Variants in CREB5 observed in about 807,000 individuals in gnomAD.
The protein encoded by CREB5 is cyclic AMP-responsive element-binding protein 5.
CREB5 carries 19 observed loss-of-function variants against 57.1 expected under a neutral mutation model. That is an observed-to-expected ratio of 0.33 (90% confidence interval 0.23 to 0.49). The LOEUF is 0.49. CREB5 is among the 20% of genes least tolerant of loss of function. The pLI is 0.99. For synonymous variants in CREB5, 238 were observed against 238.3 expected (o/e 1.00, Z 0.01); for missense variants, 579 against 671.6 (o/e 0.86, Z 1.52).
chr7:28,568,951 G>T (rs573737715), intron 4 of CREB5, among the ~76,000 whole-genome samples: 2 of 152,132 alleles, frequency 1.3e-5, no homozygotes, highest in East Asian at 1.9e-4. Context: ...ACACCAAAGC[G>T]CAGACAGATA....
intron 5 of CREB5, among the ~76,000 whole-genome samples, chr7:28,640,802 C>T (rs1798627994): frequency 1.3e-5 from 2 of 152,162 alleles, no homozygotes; most frequent in Admixed American, 6.5e-5. Flanking sequence ...GATCGAGACC[C>T]GCTTCCCTAG....
intron 7 of CREB5, among the ~76,000 whole-genome samples, chr7:28,801,739 A>G (rs897391675): frequency 6.6e-6 from 1 of 152,194 alleles, no homozygotes; most frequent in Non-Finnish European, 1.5e-5. Flanking sequence ...TATAAAAACA[A>G]TGAAATCATT....
At chr7:28,409,163 C>G (rs1787661094), upstream of CREB5, among the ~76,000 whole-genome samples, 2 of 151,532 alleles carry the variant, frequency 1.3e-5, no homozygotes, top group African/African-American at 2.4e-5. This position sits in a 1 kb window ranked among gnomAD's most constrained non-coding sequence, Gnocchi z 4.4. Flanking sequence ...CTGCCGCTCC[C>G]GGGCGGGTGC....
intron 5 of CREB5, among the ~76,000 whole-genome samples, chr7:28,657,951 T>A (rs1274426411): frequency 2.0e-5 from 3 of 152,168 alleles, no homozygotes; most frequent in Non-Finnish European, 4.4e-5. Flanking sequence ...GAACACTGAT[T>A]GAACAAAATG....
intron 1 of CREB5, among the ~76,000 whole-genome samples, chr7:28,426,989 C>T (rs925707929): frequency 6.6e-6 from 1 of 152,148 alleles, no homozygotes; most frequent in Non-Finnish European, 1.5e-5. Flanking sequence ...GGTGAGTGTT[C>T]CTGGAGGACC....
intron 4 of CREB5, among the ~76,000 whole-genome samples, chr7:28,527,264 G>A (rs1793488689): frequency 6.6e-6 from 1 of 152,148 alleles, no homozygotes. Context: ...TGCTTTTCTT[G>A]TTGTTACTGA....
intron 5 of CREB5, among the ~76,000 whole-genome samples, chr7:28,605,617 C>T (rs1797099677): frequency 6.6e-6 from 1 of 152,162 alleles, no homozygotes; most frequent in African/African-American, 2.4e-5. Context: ...CTCCTTGTTT[C>T]CTGCTATTTT....
intron 5 of CREB5, among the ~76,000 whole-genome samples, chr7:28,687,843 G>A (rs1408453623): frequency 6.6e-6 from 1 of 152,118 alleles, no homozygotes; most frequent in Non-Finnish European, 1.5e-5. Flanking sequence ...GGAGGCCTGA[G>A]TGTTGATTCT....
intron 7 of CREB5, among the ~76,000 whole-genome samples, chr7:28,766,878 A>G (rs4506107): frequency 0.67 from 101,986 of 152,078 alleles, 34,617 homozygotes; most frequent in East Asian, 0.83. Flanking sequence ...GGTTCTATGT[A>G]CAAGATAACT....
At chr7:28,776,953 A>G (rs1806689754) in intron 7 of CREB5, among the ~76,000 whole-genome samples, 1 of 152,216 alleles carries the variant, frequency 6.6e-6, no homozygotes, top group Non-Finnish European at 1.5e-5. Context: ...TCAATTAATG[A>G]ACATTTGGCT....
At chr7:28,410,209 G>A, upstream of CREB5, 1 of 452,804 alleles carries the variant, frequency 2.2e-6, no homozygotes, top group Non-Finnish European at 4.4e-6. Flanking sequence ...TTTCGCTCCA[G>A]GCGCTCCGGG....
chr7:28,670,507 T>A (rs1466829550), intron 5 of CREB5, among the ~76,000 whole-genome samples: 1 of 152,254 alleles, frequency 6.6e-6, no homozygotes, highest in Non-Finnish European at 1.5e-5. Context: ...TCATTAGGAA[T>A]GTTTTCTGTA....
At chr7:28,331,702 A>T (rs36110321) in intron 1 of CREB5, among the ~76,000 whole-genome samples, 22,594 of 152,026 alleles carry the variant, frequency 0.15, 1,930 homozygotes, top group East Asian at 0.3. Context: ...TAAAAAAATT[A>T]GCTGGGTGTG....
In CREB5 at chr7:28,668,182, C is replaced by T. The variant is rs373487150; in HGVS notation, c.465-50571C>T. On this transcript the variant is annotated intron_variant, in intron 5 of 10. Transcript: ENST00000357727. ...AAAGAAACTTCATGAAGTTTCCCTT[C>T]CCAGGTCTAATGCATGACCTCACTT... Among the ~76,000 whole-genome samples, 5 of 152,266 alleles carry T rather than the reference C, an allele frequency of 3.3e-5. No individual in the cohort carries two copies. The South Asian group carries it at 8.3e-4, about 25-fold the overall frequency.
At chr7:28,679,242 A>G (rs1028781666) in intron 5 of CREB5, among the ~76,000 whole-genome samples, 1 of 152,122 alleles carries the variant, frequency 6.6e-6, no homozygotes, top group Non-Finnish European at 1.5e-5. Context: ...TGAACTTATC[A>G]TGTGCAAAGG....
At chr7:28,659,496 C>T (rs2128712194) in intron 5 of CREB5, among the ~76,000 whole-genome samples, 1 of 152,298 alleles carries the variant, frequency 6.6e-6, no homozygotes, top group East Asian at 1.9e-4. Context: ...GTGCAGAGAG[C>T]ACAAAGCCCT....
intron 1 of CREB5, among the ~76,000 whole-genome samples, chr7:28,305,986 T>TA: frequency 7.0e-6 from 1 of 143,514 alleles, no homozygotes; most frequent in South Asian, 2.1e-4. Context: ...TTTTAATTAG[T>TA]TTTTTTTTTG....
chr7:28,531,479 A>T (rs1471814953), intron 4 of CREB5, among the ~76,000 whole-genome samples: 1 of 152,054 alleles, frequency 6.6e-6, no homozygotes, highest in Non-Finnish European at 1.5e-5. Flanking sequence ...TCCCCTTTTC[A>T]TAAGGACACC....
chr7:28,478,256 C>T (rs1227658142), intron 1 of CREB5, among the ~76,000 whole-genome samples: 1 of 152,002 alleles, frequency 6.6e-6, no homozygotes, highest in Non-Finnish European at 1.5e-5. Flanking sequence ...GATCAGTATC[C>T]TCCTCATGGT....
Sources: allele counts gnomAD v4.1 joint callset (sites outside exome capture counted in the v4.1 genomes callset), GRCh38; gene constraint gnomAD v4.1.1; non-coding constraint Gnocchi (gnomAD v3.1); transcripts MANE v1.5; gene names NCBI Gene and HGNC (gene_info 2026-07-23, HGNC 2026-07-21).